NUCB2: variants seen among roughly 807,000 people sequenced by gnomAD.
NUCB2 encodes nucleobindin-2.
In NUCB2, 48 loss-of-function variants were observed where a neutral mutation model predicts 57.9. The observed-to-expected ratio is 0.83, with a 90% CI of 0.66 to 1.05. The LOEUF (loss-of-function observed/expected upper bound fraction) is 1.05. Ranked by LOEUF, NUCB2 falls within the 50% of genes least tolerant of loss-of-function variation. NUCB2 has a pLI of 0.00. For missense variants in NUCB2, 442 were observed against 476.2 expected (o/e 0.93, Z 0.67); for synonymous variants, 139 against 152.1 (o/e 0.91, Z 0.64).
chr11:17,301,163 G>A lies in NUCB2; in HGVS notation c.253-581G>A, dbSNP rs201075151. On this transcript the variant is annotated intron_variant, in intron 4 of 13. Coordinates refer to ENST00000529010, the MANE Select transcript of NUCB2 (RefSeq NM_005013.4). Reference sequence around the variant, plus strand: ...AATTTTTGTGTTTTCAGTAAAGATGGGGTTTCACCATGTTGGCCGGGCTGG... The same window carrying A: ...AATTTTTGTGTTTTCAGTAAAGATGAGGTTTCACCATGTTGGCCGGGCTGG... Among the ~76,000 whole-genome samples, 9 of 151,740 alleles carry A rather than the reference G, an allele frequency of 5.9e-5. No individual in the cohort carries two copies. The South Asian group carries it at 1.9e-3, about 32-fold the overall frequency.
chr11:17,313,339 G>A (rs1056192392), intron 10 of NUCB2, among the ~76,000 whole-genome samples: 5 of 151,904 alleles, frequency 3.3e-5, no homozygotes, highest in African/African-American at 7.3e-5. Flanking sequence ...AGACCAGCCT[G>A]GCAAACATGG....
Position 17,326,743 on chromosome 11 carries a change from C to T in NUCB2, c.1003-3384C>T, listed in dbSNP as rs369468078. On this transcript the variant is annotated intron_variant, in intron 11 of 13. Transcript: ENST00000529010. ...ACTTAAGTCAAGAGAAGTTTATATA[C>T]GACAATTACAGTGTTATACTATTCT... Among the ~76,000 whole-genome samples the T allele has an allele frequency of 2.0e-4, 30 of 152,194 alleles. No individual in the cohort carries two copies. In the South Asian group the frequency reaches 5.6e-3, roughly 28 times the overall value.
intron 5 of NUCB2, among the ~76,000 whole-genome samples, 158 bp downstream of exon 5, chr11:17,302,028 T>C (rs1267674968): frequency 6.6e-6 from 1 of 152,068 alleles, no homozygotes; most frequent in Non-Finnish European, 1.5e-5. Flanking sequence ...ACCTCCTGAG[T>C]AGCTGAGACC....
intron 10 of NUCB2, among the ~76,000 whole-genome samples, chr11:17,313,458 C>T (rs905100191): frequency 1.5e-4 from 23 of 152,034 alleles, no homozygotes; most frequent in Admixed American, 7.9e-4. Context: ...TGAACCCAGG[C>T]GGCAGAGTTT....
At chr11:17,282,020 T>G (rs1942674451) in intron 1 of NUCB2, among the ~76,000 whole-genome samples, 1 of 151,684 alleles carries the variant, frequency 6.6e-6, no homozygotes, top group African/African-American at 2.4e-5. Context: ...ACAAAGTTAA[T>G]TTTTTTAAAT....
intron 6 of NUCB2, among the ~76,000 whole-genome samples, 197 bp from the exon 7 acceptor site, chr11:17,310,628 G>A (rs931060324): frequency 2.0e-5 from 3 of 150,046 alleles, no homozygotes; most frequent in African/African-American, 7.3e-5. Context: ...CCTGGGTGAC[G>A]GGTGAAACTC....
intron 4 of NUCB2, among the ~76,000 whole-genome samples, chr11:17,300,601 A>G (rs189355978): frequency 3.3e-5 from 5 of 152,302 alleles, no homozygotes; most frequent in African/African-American, 1.2e-4. Context: ...ATGTGTCAGC[A>G]TTTTATACTT....
At chr11:17,342,366 G>GT (rs1952346084) in intron 2 of NUCB2, among the ~76,000 whole-genome samples, 1 of 152,076 alleles carries the variant, frequency 6.6e-6, no homozygotes, top group Non-Finnish European at 1.5e-5. Context: ...TTTTGAATGT[G>GT]TTTGCTCTTG....
chr11:17,320,509 T>C (rs1949880756), intron 11 of NUCB2, among the ~76,000 whole-genome samples: 1 of 151,892 alleles, frequency 6.6e-6, no homozygotes, highest in South Asian at 2.1e-4. Context: ...ATACAAAAAT[T>C]AGCCGGGAGT....
chr11:17,339,355 ATTT>A (rs915320288), intron 2 of NUCB2, among the ~76,000 whole-genome samples: 9 of 151,982 alleles, frequency 5.9e-5, no homozygotes, highest in African/African-American at 2.2e-4. Flanking sequence ...AGTCCAAGTG[ATTT>A]TTTTTATTAT....
At chr11:17,319,811 G>T (rs2139182068) in intron 11 of NUCB2, among the ~76,000 whole-genome samples, 1 of 151,950 alleles carries the variant, frequency 6.6e-6, no homozygotes, top group East Asian at 1.9e-4. Flanking sequence ...ATGGGGTTTT[G>T]TTTTACAGAT....
At chr11:17,335,656 CGT>C (rs1951744552), downstream of NUCB2, among the ~76,000 whole-genome samples, 1 of 152,170 alleles carries the variant, frequency 6.6e-6, no homozygotes, top group Non-Finnish European at 1.5e-5. Flanking sequence ...CACCTGCCAC[CGT>C]GCCTGGCTAC....
chr11:17,285,985 A>G (rs1368236766), intron 2 of NUCB2, among the ~76,000 whole-genome samples: 4 of 151,806 alleles, frequency 2.6e-5, no homozygotes, highest in African/African-American at 9.7e-5. Flanking sequence ...CTTAATCTGT[A>G]TAACTATGGG....
intron 5 of NUCB2, among the ~76,000 whole-genome samples, chr11:17,308,664 A>G (rs1190392925): frequency 6.6e-6 from 1 of 152,196 alleles, no homozygotes; most frequent in Non-Finnish European, 1.5e-5. Flanking sequence ...ACATGTGTCC[A>G]CTATGTAATA....
intron 11 of NUCB2, among the ~76,000 whole-genome samples, chr11:17,315,814 T>C (rs2139062804): frequency 6.6e-6 from 1 of 152,332 alleles, no homozygotes; most frequent in Non-Finnish European, 1.5e-5. Flanking sequence ...AGGTAGATTC[T>C]TGAGTTATGC....
chr11:17,349,438 G>A (rs1953042600), exon 3 of NUCB2: 2 of 152,204 alleles, frequency 1.3e-5, no homozygotes, highest in South Asian at 4.1e-4. Context: ...CCTAGTGCAT[G>A]GTTTCCACAC....
At chr11:17,325,346 C>CT (rs1324856572) in intron 11 of NUCB2, among the ~76,000 whole-genome samples, 1 of 152,104 alleles carries the variant, frequency 6.6e-6, no homozygotes, top group Non-Finnish European at 1.5e-5. Flanking sequence ...ATAATATTTG[C>CT]TTAATATATC....
chr11:17,323,404 A>G (rs1250090173), intron 11 of NUCB2, among the ~76,000 whole-genome samples: 1 of 152,196 alleles, frequency 6.6e-6, no homozygotes, highest in Non-Finnish European at 1.5e-5. Flanking sequence ...CCATCCTTGC[A>G]TCACAGGGAT....
chr11:17,312,489 C>T (rs751307651), intron 10 of NUCB2, among the ~76,000 whole-genome samples: 24 of 151,374 alleles, frequency 1.6e-4, no homozygotes, highest in Admixed American at 5.9e-4. Flanking sequence ...CTGCAACCTC[C>T]GCCTCCCAGA....
Sources: gnomAD v4.1 joint callset for allele counts (sites outside exome capture counted in the v4.1 genomes callset) on GRCh38, gnomAD v4.1.1 for gene constraint, MANE v1.5 for transcripts, NCBI Gene and HGNC (gene_info 2026-07-23, HGNC 2026-07-21) for gene names.